SLC37A3: variants seen among roughly 807,000 people sequenced by gnomAD.
The protein encoded by SLC37A3 is solute carrier family 37 member 3.
Under a neutral mutation model 67.1 loss-of-function variants are expected in SLC37A3, and 51 were observed. The ratio of observed to expected loss-of-function variants is 0.76; its 90% CI spans 0.61 to 0.96. The LOEUF is 0.96. Among genes scored for constraint, SLC37A3 ranks in the 40% least tolerant of loss-of-function variants. SLC37A3 has a pLI of 0.00. For synonymous variants in SLC37A3, 214 were observed against 231.4 expected (o/e 0.92, Z 0.68); for missense variants, 508 against 603.0 (o/e 0.84, Z 1.65).
intron 1 of SLC37A3, among the ~76,000 whole-genome samples, chr7:140,396,891 T>G (rs1237265288): frequency 1.3e-5 from 1 of 77,184 alleles, no homozygotes; most frequent in African/African-American, 4.7e-5. Context: ...TGTTTTTTTT[T>G]TTGTTTTTTT....
At chr7:140,337,467 G>T in intron 13 of SLC37A3, 118 bp from the exon 14 acceptor site, 2 of 823,420 alleles carry the variant, frequency 2.4e-6, no homozygotes, top group Non-Finnish European at 3.6e-6. Context: ...GGATTTGTAT[G>T]TTTTGCAGTT....
rs1797004299 is a variant in SLC37A3, at chr7:140,355,829, A to G, written c.522-65T>C. 4.8e-5 allele frequency: 68 copies of G among 1,417,686 alleles called. No homozygotes were observed. In the South Asian group the frequency reaches 6.8e-4, roughly 14 times the overall value. The allele number at this position is 1,417,686 out of a possible 1,614,324, so 87.8% of individuals were successfully genotyped here. A position where few individuals can be genotyped will look rare whatever the true frequency, so the allele number is the denominator to read the frequency against. ...GAAGAGATACTCTGGGCAGTTCAAA[A>G]TACAAAACAGCCAAAACAACCAAGG... On this transcript the variant is annotated intron_variant, in intron 6 of 14. Coordinates refer to ENST00000326232, the MANE Select transcript of SLC37A3 (RefSeq NM_207113.3).
At chr7:140,346,249 G>A (rs569017845) in intron 10 of SLC37A3, among the ~76,000 whole-genome samples, 7 of 152,076 alleles carry the variant, frequency 4.6e-5, no homozygotes, top group East Asian at 1.9e-4. Flanking sequence ...GCGTGGTGGC[G>A]GGCACCTGTA....
chr7:140,371,456 G>A (rs557392649), intron 3 of SLC37A3, among the ~76,000 whole-genome samples: 48 of 152,284 alleles, frequency 3.2e-4, no homozygotes, highest in African/African-American at 1.1e-3. Flanking sequence ...ACAGGCGTGA[G>A]CCACCGTGCC....
chr7:140,346,365 G>T (rs971061586), intron 10 of SLC37A3, among the ~76,000 whole-genome samples: 1 of 152,076 alleles, frequency 6.6e-6, no homozygotes, highest in South Asian at 2.1e-4. Flanking sequence ...GGGTGACAGA[G>T]CGAGACTCTG....
rs73472731 is a variant in SLC37A3, at chr7:140,334,428, C to A, written c.*984G>T. 2 of 152,506 alleles carry A rather than the reference C, an allele frequency of 1.3e-5. No homozygotes were observed. Among genetic ancestry groups the A allele is most frequent in the African/African-American group, 2.4e-5 (1 of 41,392 alleles). The allele number at this position is 152,506 out of a possible 1,614,324, so 9.4% of individuals were successfully genotyped here. A position where few individuals can be genotyped will look rare whatever the true frequency, so the allele number is the denominator to read the frequency against. ...AAAGAGCATCTGTACTTGACACTTA[C>A]TAGAAGAAAAGGTCTTTCCCTTTTC... On this transcript the variant is annotated 3_prime_UTR_variant, in exon 15 of 15. Coordinates refer to ENST00000326232, the MANE Select transcript of SLC37A3 (RefSeq NM_207113.3).
chr7:140,390,545 A>G (rs1461464222), intron 1 of SLC37A3, among the ~76,000 whole-genome samples: 3 of 151,996 alleles, frequency 2.0e-5, no homozygotes, highest in Non-Finnish European at 4.4e-5. Flanking sequence ...AGCTTCTTTG[A>G]AACTCACACC....
At chr7:140,362,469 A>G (rs1342330964) in intron 5 of SLC37A3, among the ~76,000 whole-genome samples, 1 of 126,342 alleles carries the variant, frequency 7.9e-6, no homozygotes, top group African/African-American at 3.1e-5. Context: ...CTGGGAGGTG[A>G]GGGGCGCCTC....
At chr7:140,365,493 G>C (rs1797561416) in intron 4 of SLC37A3, among the ~76,000 whole-genome samples, 1 of 152,152 alleles carries the variant, frequency 6.6e-6, no homozygotes, top group Non-Finnish European at 1.5e-5. Flanking sequence ...GGCCAAGGCA[G>C]GTGGATCACC....
intron 4 of SLC37A3, among the ~76,000 whole-genome samples, chr7:140,366,088 A>T (rs914043551): frequency 8.6e-5 from 13 of 151,372 alleles, no homozygotes; most frequent in Non-Finnish European, 1.8e-4. Context: ...CAGGCCTGCC[A>T]ATTTTTGTTT....
intron 6 of SLC37A3, 53 bp from the exon 7 acceptor site, chr7:140,355,817 G>A: frequency 6.7e-7 from 1 of 1,501,562 alleles, no homozygotes; most frequent in Admixed American, 1.7e-5. Flanking sequence ...GAGATACTCT[G>A]GGCAGTTCAA....
chr7:140,336,244 T>C (rs1003258575), intron 14 of SLC37A3, among the ~76,000 whole-genome samples: 1 of 152,154 alleles, frequency 6.6e-6, no homozygotes, highest in Non-Finnish European at 1.5e-5. Context: ...AAACCACCTC[T>C]AGGAAAAATT....
rs375673760 is a variant in SLC37A3 at position 140,340,335 on chromosome 7, C to G, written c.1327-2986G>C. ...TTCCTCTCCCACTCCTCAGCTCCAA[C>G]TTCATTCTTTTCACGTGGATATCCA... On this transcript the variant is annotated intron_variant, in intron 13 of 14. Transcript: ENST00000326232. Among the ~76,000 whole-genome samples the G allele has an allele frequency of 2.0e-5, 3 of 149,776 alleles. No individual in the cohort carries two copies. The South Asian group carries it at 6.3e-4, about 31-fold the overall frequency.
At chr7:140,377,558 G>A (rs936101429) in intron 3 of SLC37A3, among the ~76,000 whole-genome samples, 4 of 152,014 alleles carry the variant, frequency 2.6e-5, no homozygotes, top group Non-Finnish European at 4.4e-5. Context: ...AATGTTTGTC[G>A]ATGTCAGTGA....
chr7:140,364,229 G>T (rs1225001905), intron 5 of SLC37A3, among the ~76,000 whole-genome samples, 179 bp downstream of exon 5: 5 of 147,542 alleles, frequency 3.4e-5, no homozygotes, highest in African/African-American at 1.3e-4. Context: ...CCAGCCTGGG[G>T]TAATAGAGCA....
chr7:140,364,783 G>C (rs1797534540), intron 4 of SLC37A3, among the ~76,000 whole-genome samples: 1 of 149,308 alleles, frequency 6.7e-6, no homozygotes, highest in Admixed American at 6.7e-5. Flanking sequence ...ACACACCAAA[G>C]TTCAGGGCAA....
chr7:140,369,543 T>C (rs1315326954), intron 4 of SLC37A3, 47 bp downstream of exon 4: 1 of 1,526,342 alleles, frequency 6.6e-7, no homozygotes, highest in Non-Finnish European at 9.0e-7. Context: ...GGGTCATTTA[T>C]ATTTACATTT....
chr7:140,343,371 G>A (rs1362634458), intron 13 of SLC37A3, 41 bp downstream of exon 13: 2 of 1,611,288 alleles, frequency 1.2e-6, no homozygotes, highest in Non-Finnish European at 1.7e-6. Context: ...CCGCCTTTGA[G>A]GGAAGACACT....
At chr7:140,368,309 T>C (rs1181768190) in intron 4 of SLC37A3, among the ~76,000 whole-genome samples, 1 of 151,958 alleles carries the variant, frequency 6.6e-6, no homozygotes, top group Non-Finnish European at 1.5e-5. Context: ...CTCACGCCTG[T>C]AATCCCAGCA....
Sources: allele counts gnomAD v4.1 joint callset (sites outside exome capture counted in the v4.1 genomes callset), GRCh38; gene constraint gnomAD v4.1.1; transcripts MANE v1.5; gene names NCBI Gene and HGNC (gene_info 2026-07-23, HGNC 2026-07-21).